Variants in LHCGR observed in about 807,000 individuals in gnomAD.
LHCGR encodes luteinizing hormone/choriogonadotropin receptor, also known as lutropin-choriogonadotropic hormone receptor.
LHCGR carries 55 observed loss-of-function variants against 60.7 expected under a neutral mutation model. The ratio of observed to expected loss-of-function variants is 0.91; its 90% CI spans 0.73 to 1.13. LHCGR has a LOEUF of 1.13. Ranked by LOEUF, LHCGR falls within the 50% of genes most tolerant of loss-of-function variation. The probability of loss-of-function intolerance (pLI) is 0.00; values close to 1 mark genes in which losing one functional copy is unlikely to be tolerated. For synonymous variants in LHCGR, 337 were observed against 316.5 expected (o/e 1.06, Z -0.69); for missense variants, 862 against 836.0 (o/e 1.03, Z -0.38).
chr2:48,723,388 C>T, intron 6 of LHCGR, 68 bp downstream of exon 6: 1 of 1,100,034 alleles, frequency 9.1e-7, no homozygotes, highest in Non-Finnish European at 1.4e-6. Context: ...AGAAAAAGCT[C>T]ACCCCAACCT....
chr2:48,741,905 TAA>T (rs1210784178), intron 1 of LHCGR, among the ~76,000 whole-genome samples: 1 of 151,840 alleles, frequency 6.6e-6, no homozygotes, highest in Non-Finnish European at 1.5e-5. Context: ...GCAAATTGGA[TAA>T]AGAGTCAAGA....
intron 4 of LHCGR, 89 bp from the exon 5 acceptor site, chr2:48,723,785 G>C: frequency 1.0e-6 from 1 of 983,014 alleles, no homozygotes; most frequent in Middle Eastern, 2.1e-4. Flanking sequence ...GAGTACAAAG[G>C]CATTTTGCAA....
At chr2:48,711,935 AAG>A (rs1668010417) in intron 7 of LHCGR, among the ~76,000 whole-genome samples, 1 of 152,104 alleles carries the variant, frequency 6.6e-6, no homozygotes, top group Non-Finnish European at 1.5e-5. Context: ...TTTTCTGGAG[AAG>A]AGAGTCTAAA....
intron 1 of LHCGR, among the ~76,000 whole-genome samples, chr2:48,753,060 C>T (rs1409134613): frequency 1.4e-5 from 2 of 141,896 alleles, no homozygotes; most frequent in South Asian, 2.3e-4. Context: ...TAAGATGATA[C>T]CTCCCTGGAG....
At chr2:48,702,126 G>A (rs1242273343) in intron 8 of LHCGR, among the ~76,000 whole-genome samples, 1 of 152,178 alleles carries the variant, frequency 6.6e-6, no homozygotes, top group East Asian at 1.9e-4. Context: ...GAGCAGCACA[G>A]TATCTGGAAC....
intron 4 of LHCGR, among the ~76,000 whole-genome samples, chr2:48,724,516 C>A (rs1668635281): frequency 6.6e-6 from 1 of 152,134 alleles, no homozygotes; most frequent in Non-Finnish European, 1.5e-5. Flanking sequence ...ATCCAAAAGC[C>A]CAGGTCACAC....
chr2:48,747,346 C>A (rs1173053902), intron 1 of LHCGR, among the ~76,000 whole-genome samples: 3 of 152,172 alleles, frequency 2.0e-5, no homozygotes, highest in Non-Finnish European at 4.4e-5. Flanking sequence ...CCTACCTCAG[C>A]CTCCAGAAGT....
At chr2:48,694,174 C>A (rs1181359569) in intron 10 of LHCGR, 50 bp downstream of exon 10, 1 of 1,046,160 alleles carries the variant, frequency 9.6e-7, no homozygotes, top group Non-Finnish European at 1.5e-6. Flanking sequence ...TAATAAGGTG[C>A]ACACAGAACA....
intron 1 of LHCGR, among the ~76,000 whole-genome samples, chr2:48,745,095 G>A (rs1184686001): frequency 6.6e-6 from 1 of 151,942 alleles, no homozygotes; most frequent in African/African-American, 2.4e-5. Context: ...ACATGAAAAA[G>A]TGCTCACCAT....
chr2:48,719,194 C>T (rs550842923), intron 6 of LHCGR, among the ~76,000 whole-genome samples: 12 of 152,208 alleles, frequency 7.9e-5, no homozygotes, highest in South Asian at 2.1e-4. Flanking sequence ...TGGTGGTGGG[C>T]GCCTGTGGTC....
chr2:48,743,820 C>A (rs973305106), intron 1 of LHCGR, among the ~76,000 whole-genome samples: 1 of 152,024 alleles, frequency 6.6e-6, no homozygotes, highest in Non-Finnish European at 1.5e-5. Flanking sequence ...TCCTATTCAA[C>A]ATAGTGGTGG....
At chr2:48,691,730 C>T (rs1666845090) in intron 10 of LHCGR, among the ~76,000 whole-genome samples, 1 of 151,812 alleles carries the variant, frequency 6.6e-6, no homozygotes. Flanking sequence ...CCTGTAATCC[C>T]AGCTACTTGG....
intron 1 of LHCGR, among the ~76,000 whole-genome samples, chr2:48,748,539 A>G (rs1669809761): frequency 6.6e-6 from 1 of 152,202 alleles, no homozygotes; most frequent in South Asian, 2.1e-4. Flanking sequence ...TTCACTTTCC[A>G]GGTTGAGAAG....
chr2:48,716,275 T>A (rs1306205400), intron 6 of LHCGR, among the ~76,000 whole-genome samples: 2 of 152,034 alleles, frequency 1.3e-5, no homozygotes, highest in African/African-American at 4.8e-5. Flanking sequence ...TAACTTATAT[T>A]TCCATCTAAG....
chr2:48,737,523 A>C (rs1424436606), intron 1 of LHCGR, among the ~76,000 whole-genome samples: 2 of 152,236 alleles, frequency 1.3e-5, no homozygotes, highest in Non-Finnish European at 2.9e-5. Context: ...CTTTCATCTT[A>C]GAATAAAATA....
chr2:48,751,812 T>C (rs772736727), intron 1 of LHCGR, among the ~76,000 whole-genome samples: 10 of 152,254 alleles, frequency 6.6e-5, no homozygotes, highest in Non-Finnish European at 1.3e-4. Context: ...CCAAGGCCTC[T>C]GGATTATGTC....
At chr2:48,738,589 C>A (rs1177212156) in intron 1 of LHCGR, among the ~76,000 whole-genome samples, 1 of 152,198 alleles carries the variant, frequency 6.6e-6, no homozygotes, top group Non-Finnish European at 1.5e-5. Context: ...TCTTTATTCA[C>A]CAGTTGTATC....
intron 4 of LHCGR, 121 bp downstream of exon 4, chr2:48,725,555 G>GA: frequency 1.3e-6 from 1 of 751,352 alleles, no homozygotes; most frequent in Non-Finnish European, 2.4e-6. Flanking sequence ...GGCTGAAGAG[G>GA]AACATGCAAA....
chr2:48,701,705 T>C (rs888499288), intron 8 of LHCGR, among the ~76,000 whole-genome samples: 1 of 152,214 alleles, frequency 6.6e-6, no homozygotes, highest in Admixed American at 6.5e-5. Context: ...TCCTTGTCTG[T>C]CTTCCCCATC....
Sources: allele counts gnomAD v4.1 joint callset (sites outside exome capture counted in the v4.1 genomes callset), GRCh38; gene constraint gnomAD v4.1.1; transcripts MANE v1.5; gene names NCBI Gene and HGNC (gene_info 2026-07-23, HGNC 2026-07-21).